The following KHDRBS2 variants were observed in gnomAD, a reference collection of about 807,000 sequenced individuals.
KHDRBS2 encodes the protein KH RNA binding domain containing, signal transduction associated 2.
In KHDRBS2, 26 loss-of-function variants were observed where a neutral mutation model predicts 44.3. The observed-to-expected ratio is 0.59, with a 90% CI of 0.43 to 0.81. The LOEUF (loss-of-function observed/expected upper bound fraction) is 0.81, where lower values mean the gene tolerates loss of function less well. KHDRBS2 is among the 40% of genes least tolerant of loss of function. The pLI is 0.00. For synonymous variants in KHDRBS2, 194 were observed against 151.1 expected (o/e 1.28, Z -2.08); for missense variants, 476 against 433.1 (o/e 1.10, Z -0.88).
intron 1 of KHDRBS2, among the ~76,000 whole-genome samples, chr6:62,185,514 A>C (rs1213415962): frequency 6.6e-6 from 1 of 151,968 alleles, no homozygotes; most frequent in African/African-American, 2.4e-5. Context: ...TTTTTATTGA[A>C]GGCATAAGAG....
chr6:62,161,300 A>C (rs1468615222), intron 2 of KHDRBS2, among the ~76,000 whole-genome samples: 1 of 152,074 alleles, frequency 6.6e-6, no homozygotes, highest in East Asian at 1.9e-4. Flanking sequence ...TTGGCCCTGC[A>C]TATTCACAAT....
chr6:61,576,281 C>T, the KHDRBS2 span, among the ~76,000 whole-genome samples: 1 of 152,054 alleles, frequency 6.6e-6, no homozygotes, highest in East Asian at 1.9e-4. Flanking sequence ...TTGTAGTGTT[C>T]CTTGTGTAGA....
intron 6 of KHDRBS2, among the ~76,000 whole-genome samples, chr6:61,848,532 C>CATATAT (rs1554236783): frequency 7.1e-5 from 2 of 28,218 alleles, no homozygotes; most frequent in Non-Finnish European, 1.2e-4. Flanking sequence ...TATATATATA[C>CATATAT]ATATATATGT....
intron 6 of KHDRBS2, among the ~76,000 whole-genome samples, chr6:61,848,653 A>G (rs1167547694): frequency 2.8e-5 from 4 of 141,842 alleles, no homozygotes; most frequent in Admixed American, 7.3e-5. Context: ...TCAATGCACT[A>G]TATCTCAACT....
At chr6:62,047,823 C>CA (rs1788045569) in intron 3 of KHDRBS2, 55 bp downstream of exon 3, 1 of 1,121,592 alleles carries the variant, frequency 8.9e-7, no homozygotes, top group East Asian at 2.4e-5. Flanking sequence ...ATTTGGCCTT[C>CA]AGTGTTATAG....
In KHDRBS2 at chr6:62,029,321, CT is replaced by C. The variant is rs561505661; in HGVS notation, c.336+18556del. ...GTACTGCTTGACATTTGGATGGGGACTTTTTTTTTAACATGAATTATGTATA... is the reference window on the plus strand; with the variant it reads ...GTACTGCTTGACATTTGGATGGGGACTTTTTTTTAACATGAATTATGTATA... On this transcript the variant is annotated intron_variant, in intron 3 of 8. Coordinates refer to ENST00000281156, the MANE Select transcript of KHDRBS2 (RefSeq NM_152688.4). 5.2e-4 allele frequency among the ~76,000 whole-genome samples: 78 copies of C among 150,530 alleles called. 1 individual carries two copies. In the East Asian group the frequency reaches 9.7e-3, roughly 19 times the overall value.
chr6:62,240,340 G>T (rs769391045), intron 1 of KHDRBS2, among the ~76,000 whole-genome samples: 1 of 151,734 alleles, frequency 6.6e-6, no homozygotes, highest in African/African-American at 2.4e-5. Flanking sequence ...GGCTCATCTT[G>T]TATACATTCT....
intron 6 of KHDRBS2, among the ~76,000 whole-genome samples, chr6:61,740,905 T>A (rs368792476): frequency 6.6e-6 from 1 of 151,908 alleles, no homozygotes; most frequent in South Asian, 2.1e-4. Context: ...CATCAACATA[T>A]GCATGGCAAC....
intron 6 of KHDRBS2, among the ~76,000 whole-genome samples, chr6:61,742,412 A>G (rs1776267290): frequency 6.6e-6 from 1 of 152,018 alleles, no homozygotes. Context: ...TTTGATAGTT[A>G]CTATTTCTTT....
chr6:61,903,025 G>T (rs1381355785), intron 4 of KHDRBS2, among the ~76,000 whole-genome samples: 1 of 152,110 alleles, frequency 6.6e-6, no homozygotes. Context: ...CCTCAACACA[G>T]TTAGCTGACA....
the KHDRBS2 span, among the ~76,000 whole-genome samples, chr6:61,571,027 A>T: frequency 1.3e-5 from 2 of 152,052 alleles, no homozygotes; most frequent in East Asian, 3.9e-4. Context: ...ACAAGGTATT[A>T]AGGCAACAAC....
chr6:62,120,210 C>T (rs1245480484), intron 2 of KHDRBS2, among the ~76,000 whole-genome samples: 1 of 152,140 alleles, frequency 6.6e-6, no homozygotes, highest in Non-Finnish European at 1.5e-5. Flanking sequence ...TGTGAATGAG[C>T]TGAAAATGCC....
At chr6:61,556,160 C>T in the KHDRBS2 span, among the ~76,000 whole-genome samples, 2 of 152,184 alleles carry the variant, frequency 1.3e-5, no homozygotes, top group African/African-American at 4.8e-5. Context: ...CGCATTCACT[C>T]CTGCAGTGGT....
rs7773176 is a variant in KHDRBS2, at chr6:61,718,833, C to A, written c.893+13849G>T. ...CTAAATTGTCCCTTGTGGTACTCGTCCACTGAAAATAGTTCCCTGGTTAAA... is the reference window on the plus strand; with the variant it reads ...CTAAATTGTCCCTTGTGGTACTCGTACACTGAAAATAGTTCCCTGGTTAAA... On this transcript the variant is annotated intron_variant, in intron 7 of 8. Coordinates refer to ENST00000281156, the MANE Select transcript of KHDRBS2 (RefSeq NM_152688.4). Among the ~76,000 whole-genome samples, 1,450 of 152,206 alleles carry A rather than the reference C, an allele frequency of 9.5e-3. 21 individuals are homozygous for A. The highest frequency in any genetic ancestry group is 0.033 in the African/African-American group (1,383 of 41,530).
the KHDRBS2 span, among the ~76,000 whole-genome samples, chr6:61,643,675 A>C: frequency 6.6e-6 from 1 of 152,150 alleles, no homozygotes; most frequent in African/African-American, 2.4e-5. Context: ...GCCATGCCAA[A>C]GCCAAATCAA....
chr6:62,224,848 C>T (rs574893573), intron 1 of KHDRBS2, among the ~76,000 whole-genome samples: 1 of 152,194 alleles, frequency 6.6e-6, no homozygotes, highest in African/African-American at 2.4e-5. Context: ...GCTCACTATC[C>T]AAATATTAGT....
At position 61,942,934 on chromosome 6, in the gene KHDRBS2, G is replaced by T. The variant is rs1812425877; in HGVS notation, c.483+35132C>A. On this transcript the variant is annotated intron_variant, in intron 4 of 8. Coordinates refer to ENST00000281156, the MANE Select transcript of KHDRBS2 (RefSeq NM_152688.4). ...GGAAGATATGTTGGAAAGAAGGAAA[G>T]AAAAAGAAAAAGAAAGAAAGAAAGA... 3.0e-5 allele frequency among the ~76,000 whole-genome samples: 4 copies of T among 134,930 alleles called. No individual in the cohort carries two copies. The East Asian group carries it at 7.2e-4, about 24-fold the overall frequency. 88.5% of individuals were successfully genotyped at this position (134,930 alleles called of 152,430 possible). A position where few individuals can be genotyped will look rare whatever the true frequency, so the allele number is the denominator to read the frequency against.
At chr6:62,102,912 C>G (rs1260578359) in intron 2 of KHDRBS2, among the ~76,000 whole-genome samples, 5 of 152,146 alleles carry the variant, frequency 3.3e-5, no homozygotes, top group Non-Finnish European at 7.4e-5. Context: ...GTTACATGGA[C>G]AACTGGAGGG....
chr6:62,004,595 G>A (rs982453694), intron 3 of KHDRBS2, among the ~76,000 whole-genome samples: 8 of 152,064 alleles, frequency 5.3e-5, no homozygotes, highest in Non-Finnish European at 1.0e-4. Flanking sequence ...AGAGGAGCTG[G>A]TACCATTCCT....
Sources: allele counts gnomAD v4.1 joint callset (sites outside exome capture counted in the v4.1 genomes callset), GRCh38; gene constraint gnomAD v4.1.1; transcripts MANE v1.5; gene names NCBI Gene and HGNC (gene_info 2026-07-23, HGNC 2026-07-21).